Variants in LMTK2 observed in about 807,000 individuals in gnomAD.
The protein encoded by LMTK2 is lemur tail kinase 2.
A neutral mutation model predicts 127.5 loss-of-function variants in LMTK2; 37 were observed. The observed-to-expected ratio is 0.29, with a 90% CI of 0.22 to 0.38. The LOEUF (loss-of-function observed/expected upper bound fraction) is 0.38, where lower values mean the gene tolerates loss of function less well. LMTK2 is among the 10% of genes least tolerant of loss of function. The probability of loss-of-function intolerance (pLI) is 1.00; values close to 1 mark genes in which losing one functional copy is unlikely to be tolerated. For missense variants in LMTK2, 1,694 were observed against 1,920.3 expected, an observed-to-expected ratio of 0.88 and a Z score of 2.20; for synonymous variants, 819 against 810.1, an observed-to-expected ratio of 1.01 and a Z score of -0.19.
At position 98,205,769 on chromosome 7, in the gene LMTK2, G is replaced by C. The variant is rs1429494951; in HGVS notation, c.*277G>C. 1.5e-5 allele frequency: 8 copies of C among 535,566 alleles called. No individual in the cohort carries two copies. The highest frequency in any genetic ancestry group is 2.7e-5 in the Non-Finnish European group (8 of 295,472). The allele number at this position is 535,566 out of a possible 1,614,324, so 33.2% of individuals were successfully genotyped here. A position where few individuals can be genotyped will look rare whatever the true frequency, so the allele number is the denominator to read the frequency against. ...AGGCAGTGCTCATGCGCTGGCCGTCGGGGGAGGCAGGGGCACAGCCTCCAT... is the reference window on the plus strand; with the variant it reads ...AGGCAGTGCTCATGCGCTGGCCGTCCGGGGAGGCAGGGGCACAGCCTCCAT... On this transcript the variant is annotated 3_prime_UTR_variant, in exon 14 of 14. Coordinates refer to ENST00000297293, the MANE Select transcript of LMTK2 (RefSeq NM_014916.4).
chr7:98,174,612 G>A (rs917076412), intron 7 of LMTK2, among the ~76,000 whole-genome samples: 1 of 152,232 alleles, frequency 6.6e-6, no homozygotes, highest in African/African-American at 2.4e-5. Context: ...CTCATGGGCG[G>A]CCTGCCTCCT....
chr7:98,184,448 G>T (rs577850511), intron 7 of LMTK2, among the ~76,000 whole-genome samples: 4 of 151,960 alleles, frequency 2.6e-5, no homozygotes, highest in African/African-American at 9.7e-5. Context: ...CGGGTTGGGG[G>T]TATGTGTGTG....
chr7:98,137,846 A>G (rs1382577837), intron 2 of LMTK2, among the ~76,000 whole-genome samples: 1 of 152,224 alleles, frequency 6.6e-6, no homozygotes, highest in South Asian at 2.1e-4. Context: ...CGTAAGGGCT[A>G]TGAGGAAGAG....
intron 1 of LMTK2, among the ~76,000 whole-genome samples, chr7:98,131,565 T>G (rs1005752712): frequency 6.6e-6 from 1 of 152,218 alleles, no homozygotes; most frequent in Non-Finnish European, 1.5e-5. Context: ...TTGCTTGTTT[T>G]GGGCAGTACT....
At chr7:98,132,271 G>C (rs1174727687) in intron 1 of LMTK2, among the ~76,000 whole-genome samples, 2 of 151,092 alleles carry the variant, frequency 1.3e-5, no homozygotes, top group African/African-American at 2.4e-5. Context: ...TTTTTTTTGA[G>C]ACGGAGTCTC....
In LMTK2 at chr7:98,123,983, CTT is replaced by C. The variant is rs138990356; in HGVS notation, c.104-13331_104-13330del. 1.9e-3 allele frequency among the ~76,000 whole-genome samples: 292 copies of C among 152,220 alleles called. 1 individual carries two copies. The highest frequency in any genetic ancestry group is 6.7e-3 in the African/African-American group (279 of 41,532). On this transcript the variant is annotated intron_variant, in intron 1 of 13. Transcript: ENST00000297293. ...CTTTCCTCTCATGAGTATACTGTCT[CTT>C]GTTATTTCTGAGAATATAGTTGTTG...
In LMTK2 at chr7:98,192,912, C is replaced by T. The variant is rs138337758; in HGVS notation, c.2447C>T (p.Pro816Leu). 3.3e-5 allele frequency: 54 copies of T among 1,613,784 alleles called. No homozygotes were observed. In the African/African-American group the frequency reaches 7.1e-4, roughly 21 times the overall value. Residue 816 changes from proline (P) to leucine (L), a missense_variant, in exon 11 of 14, where the codon CCT becomes CTT. This residue lies in a region of LMTK2 where 527 missense variants were observed against 539.8 expected (regional missense o/e 0.98). Coordinates refer to ENST00000297293, the MANE Select transcript of LMTK2 (RefSeq NM_014916.4). ...SLQSSPEVQV[P>L]PTSFETEETP... Reference sequence around the variant, plus strand: ...CAGTCTTCCCCGGAAGTGCAGGTACCTCCTACCTCCTTCGAAACAGAAGAA... The same window carrying T: ...CAGTCTTCCCCGGAAGTGCAGGTACTTCCTACCTCCTTCGAAACAGAAGAA...
intron 11 of LMTK2, among the ~76,000 whole-genome samples, chr7:98,201,599 G>GTGTTTTGTTTTGTTTTGTTT (rs56186084): frequency 8.7e-5 from 13 of 149,806 alleles, no homozygotes; most frequent in South Asian, 2.1e-4. Flanking sequence ...CTTCGTGTGT[G>GTGTTTTGTTTTGTTTTGTTT]TGTTTTGTTT....
chr7:98,178,109 G>C (rs1264625965), intron 7 of LMTK2, among the ~76,000 whole-genome samples: 1 of 152,174 alleles, frequency 6.6e-6, no homozygotes, highest in South Asian at 2.1e-4. Context: ...AATGGGGATC[G>C]TCTTTAAAGC....
In LMTK2 at chr7:98,141,436, C is replaced by A. The variant is rs921998070; in HGVS notation, c.271C>A (p.Pro91Thr). ...TTTTGATGATGAGATAGATTTCACACCACCAGCAGAAGACACTCCCTCTGT... is the reference window on the plus strand; with the variant it reads ...TTTTGATGATGAGATAGATTTCACAACACCAGCAGAAGACACTCCCTCTGT... ...DNFDDEIDFT[P>T]PAEDTPSVQS... The change falls in exon 3 of 14, where the codon CCA becomes ACA. Residue 91 changes from proline to threonine, a missense_variant. Physicochemically the swap from Pro to Thr is conservative, Grantham distance 38. Around this residue, in one of 8 missense-constraint regions of LMTK2, gnomAD observed 203 missense variants for 226.2 expected, o/e 0.90. Transcript: ENST00000297293. 1.2e-6 allele frequency: 2 copies of A among 1,613,546 alleles called. No individual in the cohort carries two copies. The highest frequency in any genetic ancestry group is 1.7e-6 in the Non-Finnish European group (2 of 1,179,456).
intron 6 of LMTK2, among the ~76,000 whole-genome samples, chr7:98,164,641 C>T (rs1797065174): frequency 6.6e-6 from 1 of 152,094 alleles, no homozygotes; most frequent in Non-Finnish European, 1.5e-5. Flanking sequence ...GTACGGGAGT[C>T]CTAACCAGGA....
intron 1 of LMTK2, 29 bp from the exon 2 acceptor site, chr7:98,137,285 GT>G: frequency 5.0e-6 from 8 of 1,591,818 alleles, no homozygotes; most frequent in Non-Finnish European, 6.8e-6. Flanking sequence ...GAATGTACAT[GT>G]TTTTAATATT....
At chr7:98,140,150 TTCTTTTCTTTTCTTTTC>T (rs1562902756) in intron 2 of LMTK2, among the ~76,000 whole-genome samples, 400 of 6,138 alleles carry the variant, frequency 0.065, 71 homozygotes, top group African/African-American at 0.12. Flanking sequence ...TTCTTTTCTT[TTCTTTTCTTTTCTTTTC>T]TTTTCTTTCT....
At chr7:98,197,183 G>A (rs1474007943) in intron 11 of LMTK2, among the ~76,000 whole-genome samples, 1 of 152,258 alleles carries the variant, frequency 6.6e-6, no homozygotes, top group Admixed American at 6.5e-5. Context: ...CTGGTGAACA[G>A]TCTGTGGGTG....
In LMTK2 at chr7:98,141,383, C is replaced by T. The variant is rs774488125; in HGVS notation, c.232-14C>T. On this transcript the variant is annotated splice_polypyrimidine_tract_variant and intron_variant, in intron 2 of 13. Coordinates refer to ENST00000297293, the MANE Select transcript of LMTK2 (RefSeq NM_014916.4). ...TAGCCAATGGTTTTTAATGCTTGCT[C>T]TCTTTCATTTTAGGAATTTGAAGAT... 6.2e-7 allele frequency: 1 copy of T among 1,611,614 alleles called. No individual in the cohort carries two copies. Among genetic ancestry groups the T allele is most frequent in the African/African-American group, 1.3e-5 (1 of 74,974 alleles).
At chr7:98,173,632 A>G (rs1797228157) in intron 7 of LMTK2, among the ~76,000 whole-genome samples, 1 of 152,242 alleles carries the variant, frequency 6.6e-6, no homozygotes, top group Admixed American at 6.5e-5. Flanking sequence ...TATCAGAGTA[A>G]ATAGTATTTT....
chr7:98,201,975 C>T (rs1298178354), intron 11 of LMTK2, among the ~76,000 whole-genome samples: 1 of 152,200 alleles, frequency 6.6e-6, no homozygotes, highest in Non-Finnish European at 1.5e-5. Context: ...GTATCTTTCA[C>T]CAAATTTAAG....
intron 1 of LMTK2, among the ~76,000 whole-genome samples, chr7:98,110,878 G>C (rs1425545579): frequency 6.6e-6 from 1 of 152,170 alleles, no homozygotes; most frequent in South Asian, 2.1e-4. Context: ...TTGTGAAACC[G>C]AGCCTCTCGT....
rs1023146446 is a variant in LMTK2 at position 98,205,638 on chromosome 7, T to C, written c.*146T>C. Reference sequence around the variant, plus strand: ...CCAGAGGTGAAGAGGGAGACGGCTCTTAGCTGCGTTCAAGGCGGGGCCCTC... The same window carrying C: ...CCAGAGGTGAAGAGGGAGACGGCTCCTAGCTGCGTTCAAGGCGGGGCCCTC... On this transcript the variant is annotated 3_prime_UTR_variant, in exon 14 of 14. Transcript: ENST00000297293. 1 of 878,464 alleles carries C rather than the reference T, an allele frequency of 1.1e-6. No individual in the cohort carries two copies. Among genetic ancestry groups the C allele is most frequent in the African/African-American group, 1.7e-5 (1 of 60,000 alleles). The allele number at this position is 878,464 out of a possible 1,614,324, so 54.4% of individuals were successfully genotyped here. A position where few individuals can be genotyped will look rare whatever the true frequency, so the allele number is the denominator to read the frequency against.
Sources: allele counts gnomAD v4.1 joint callset (sites outside exome capture counted in the v4.1 genomes callset), GRCh38; gene constraint gnomAD v4.1.1; regional missense constraint gnomAD v4.1.1; transcripts MANE v1.5; gene names NCBI Gene and HGNC (gene_info 2026-07-23, HGNC 2026-07-21).